DTNB: variants seen among roughly 807,000 people sequenced by gnomAD.
DTNB encodes the protein DTN-B.
A neutral mutation model predicts 90.7 loss-of-function variants in DTNB; 63 were observed. The ratio of observed to expected loss-of-function variants is 0.69; its 90% confidence interval spans 0.57 to 0.86. DTNB has a LOEUF of 0.86. DTNB is among the 40% of genes least tolerant of loss of function. The pLI, the probability that DTNB is intolerant of heterozygous loss-of-function variation, is 0.00. For synonymous variants in DTNB, 277 were observed against 286.7 expected (o/e 0.97, Z 0.34); for missense variants, 744 against 807.1 (o/e 0.92, Z 0.95).
chr2:25,673,065 G>A (rs961297005), intron 1 of DTNB: 8 of 152,178 alleles, frequency 5.3e-5, no homozygotes, highest in Non-Finnish European at 8.8e-5. Context: ...GCCGGGCTCG[G>A]GCAGCATCAG....
chr2:25,618,361 C>G (rs983545848), intron 4 of DTNB, among the ~76,000 whole-genome samples: 1 of 152,142 alleles, frequency 6.6e-6, no homozygotes. Flanking sequence ...ATCCTTCCCA[C>G]GAGACATCTG....
intron 10 of DTNB, among the ~76,000 whole-genome samples, chr2:25,473,636 G>T (rs2063221691): frequency 6.6e-6 from 1 of 152,180 alleles, no homozygotes; most frequent in Non-Finnish European, 1.5e-5. Flanking sequence ...CTAAGTATTT[G>T]TATCTCCTTT....
rs1050951791 is a variant in DTNB, at chr2:25,580,660, A to C, written c.709+61T>G. ...TGATATTAATAGCTAAGGACATTGC[A>C]AATAATCAGTTCCTATACTTTCTAT... On this transcript the variant is annotated intron_variant, in intron 7 of 20. Transcript: ENST00000406818. The C allele has an allele frequency of 4.9e-6, 7 of 1,417,656 alleles. No homozygotes were observed. In the Admixed American group the frequency reaches 1.0e-4, roughly 21 times the overall value. The allele number at this position is 1,417,656 out of a possible 1,614,324, so 87.8% of individuals were successfully genotyped here. A position where few individuals can be genotyped will look rare whatever the true frequency, so the allele number is the denominator to read the frequency against.
intron 9 of DTNB, among the ~76,000 whole-genome samples, chr2:25,505,593 T>C (rs2072193542): frequency 6.6e-6 from 1 of 152,166 alleles, no homozygotes; most frequent in Non-Finnish European, 1.5e-5. Flanking sequence ...GATCCTTTCT[T>C]GGGAAAGATC....
intron 9 of DTNB, among the ~76,000 whole-genome samples, chr2:25,501,821 A>T (rs2070782609): frequency 6.6e-6 from 1 of 152,244 alleles, no homozygotes. Flanking sequence ...GTATTAAATT[A>T]AATTAAATAG....
intron 10 of DTNB, among the ~76,000 whole-genome samples, chr2:25,463,932 G>A (rs2061391769): frequency 6.6e-6 from 1 of 152,148 alleles, no homozygotes; most frequent in South Asian, 2.1e-4. Context: ...CAGAGCCTGG[G>A]CTCTGTTGCC....
At chr2:25,571,422 G>T (rs1384723346) in intron 8 of DTNB, among the ~76,000 whole-genome samples, 1 of 151,910 alleles carries the variant, frequency 6.6e-6, no homozygotes, top group Non-Finnish European at 1.5e-5. Flanking sequence ...ATGGTCAATG[G>T]GCCCACATTA....
chr2:25,413,926 TC>T (rs1351371052), intron 16 of DTNB, among the ~76,000 whole-genome samples: 1 of 152,190 alleles, frequency 6.6e-6, no homozygotes. Context: ...TTTCTCCACA[TC>T]CTCTCCAGCA....
At chr2:25,526,396 T>TATATATA (rs1491443224) in intron 9 of DTNB, among the ~76,000 whole-genome samples, 40 of 34,944 alleles carry the variant, frequency 1.1e-3, no homozygotes, top group African/African-American at 1.7e-3. Flanking sequence ...TATATATATA[T>TATATATA]TTTTTTTTTT....
At chr2:25,556,170 CTTTT>C (rs60714399) in intron 8 of DTNB, among the ~76,000 whole-genome samples, 11 of 105,564 alleles carry the variant, frequency 1.0e-4, no homozygotes, top group South Asian at 3.3e-4. Flanking sequence ...GGCCATCTCT[CTTTT>C]TTTTTTTTTT....
intron 16 of DTNB, 129 bp downstream of exon 16, chr2:25,419,386 C>A: frequency 7.1e-7 from 1 of 1,414,024 alleles, no homozygotes; most frequent in Non-Finnish European, 9.8e-7. Flanking sequence ...GGGAGAACCG[C>A]TGGGGGTTTT....
chr2:25,640,700 A>G (rs1232883732), intron 2 of DTNB, among the ~76,000 whole-genome samples: 1 of 152,060 alleles, frequency 6.6e-6, no homozygotes, highest in Non-Finnish European at 1.5e-5. Flanking sequence ...AGTTGAGCCC[A>G]GCAGTTTAAA....
At chr2:25,498,875 A>G (rs2069687639) in intron 9 of DTNB, among the ~76,000 whole-genome samples, 1 of 143,674 alleles carries the variant, frequency 7.0e-6, no homozygotes, top group Admixed American at 7.0e-5. Flanking sequence ...AAAAAGATCT[A>G]TAGAATGTTT....
intron 6 of DTNB, among the ~76,000 whole-genome samples, 198 bp from the exon 7 acceptor site, chr2:25,581,024 T>TC (rs1331305225): frequency 6.6e-6 from 1 of 152,228 alleles, no homozygotes; most frequent in Non-Finnish European, 1.5e-5. Context: ...TCAAATGTAT[T>TC]CCCATATACA....
At chr2:25,609,672 A>T (rs993317972) in intron 4 of DTNB, among the ~76,000 whole-genome samples, 2 of 145,428 alleles carry the variant, frequency 1.4e-5, no homozygotes, top group African/African-American at 5.2e-5. Context: ...ACACACACAC[A>T]CACACACACA....
intron 8 of DTNB, among the ~76,000 whole-genome samples, chr2:25,548,470 G>C (rs1261092228): frequency 1.3e-5 from 2 of 151,764 alleles, no homozygotes; most frequent in East Asian, 3.9e-4. Context: ...TGGTCAGGGA[G>C]GCTTCTTCCT....
intron 3 of DTNB, among the ~76,000 whole-genome samples, chr2:25,630,941 C>G (rs995210047): frequency 1.4e-5 from 2 of 146,764 alleles, no homozygotes; most frequent in Admixed American, 1.4e-4. Context: ...AGATACCAGA[C>G]AGTTAAAAAT....
At chr2:25,653,538 G>A (rs1422884920) in intron 1 of DTNB, among the ~76,000 whole-genome samples, 6 of 107,928 alleles carry the variant, frequency 5.6e-5, no homozygotes, top group African/African-American at 1.8e-4. Flanking sequence ...TTTTTTGACA[G>A]TCTCACTCTG....
At chr2:25,436,653 G>C (rs991983428) in intron 12 of DTNB, among the ~76,000 whole-genome samples, 2 of 152,012 alleles carry the variant, frequency 1.3e-5, no homozygotes, top group African/African-American at 2.4e-5. Context: ...AAAAAACCAA[G>C]ATGATTTTTC....
Sources: allele counts gnomAD v4.1 joint callset (sites outside exome capture counted in the v4.1 genomes callset), GRCh38; gene constraint gnomAD v4.1.1; transcripts MANE v1.5; gene names NCBI Gene and HGNC (gene_info 2026-07-23, HGNC 2026-07-21).